Variants in CDKL3 observed in about 807,000 individuals in gnomAD.
CDKL3 encodes the protein cyclin dependent kinase like 3.
In CDKL3, 65 loss-of-function variants were observed where a neutral mutation model predicts 69.3. That is an observed-to-expected ratio of 0.94 (90% confidence interval 0.77 to 1.15). The LOEUF (loss-of-function observed/expected upper bound fraction) is 1.15. Ranked by LOEUF, CDKL3 falls within the 50% of genes most tolerant of loss-of-function variation. The pLI is 0.00. For missense variants in CDKL3, 652 were observed against 689.2 expected, an observed-to-expected ratio of 0.95 and a Z score of 0.61; for synonymous variants, 202 against 221.6, an observed-to-expected ratio of 0.91 and a Z score of 0.79.
intron 4 of CDKL3, among the ~76,000 whole-genome samples, chr5:134,338,150 C>T (rs1777559326): frequency 6.6e-6 from 1 of 151,846 alleles, no homozygotes; most frequent in African/African-American, 2.4e-5. Flanking sequence ...GGGAGTAAAA[C>T]TATATTGAGT....
chr5:134,356,201 A>C (rs73289862), intron 3 of CDKL3, among the ~76,000 whole-genome samples: 20,470 of 152,190 alleles, frequency 0.13, 1,655 homozygotes, highest in African/African-American at 0.21. Flanking sequence ...AGGAGTGCAC[A>C]ACCTAGATCC....
chr5:134,315,496 G>C (rs1456419474), intron 6 of CDKL3, among the ~76,000 whole-genome samples: 1 of 152,030 alleles, frequency 6.6e-6, no homozygotes, highest in African/African-American at 2.4e-5. Context: ...GACACCCTAT[G>C]TTTAGAGACC....
intron 4 of CDKL3, among the ~76,000 whole-genome samples, chr5:134,343,227 T>C (rs367960330): frequency 1.3e-5 from 2 of 148,736 alleles, no homozygotes; most frequent in Admixed American, 6.7e-5. Flanking sequence ...GGAAAGAAAG[T>C]GCGTTGCTGG....
intron 4 of CDKL3, among the ~76,000 whole-genome samples, chr5:134,323,386 C>T (rs1773307223): frequency 6.6e-6 from 1 of 152,060 alleles, no homozygotes; most frequent in South Asian, 2.1e-4. Flanking sequence ...CAATTGATTG[C>T]AAAGTTTATA....
At chr5:134,339,576 A>G (rs1383124826) in intron 4 of CDKL3, among the ~76,000 whole-genome samples, 1 of 152,170 alleles carries the variant, frequency 6.6e-6, no homozygotes, top group East Asian at 1.9e-4. Context: ...CCTAATAACT[A>G]TCTTTAGAAC....
upstream of CDKL3, chr5:134,371,556 C>G: frequency 1.5e-6 from 2 of 1,334,232 alleles, no homozygotes; most frequent in Non-Finnish European, 2.0e-6. Flanking sequence ...CTGCGCGGGA[C>G]TTTTTTTTTT....
chr5:134,293,338 A>T (rs1765210870), intron 8 of CDKL3, among the ~76,000 whole-genome samples: 1 of 151,930 alleles, frequency 6.6e-6, no homozygotes, highest in African/African-American at 2.4e-5. Flanking sequence ...CCAATTTCTA[A>T]CAAACATTTA....
chr5:134,370,788 C>T (rs915978676), upstream of CDKL3, among the ~76,000 whole-genome samples: 2 of 152,186 alleles, frequency 1.3e-5, no homozygotes, highest in Non-Finnish European at 2.9e-5. Flanking sequence ...TCGTGCGATC[C>T]TCTCACTCTT....
At chr5:134,298,362 T>TAC (rs1350784762), downstream of CDKL3, 1 of 1,156,898 alleles carries the variant, frequency 8.6e-7, no homozygotes, top group Non-Finnish European at 1.1e-6. Context: ...TAAGTATAAG[T>TAC]ACAGTTTGTA....
At chr5:134,304,822 AAT>A (rs1367776618) in intron 10 of CDKL3, among the ~76,000 whole-genome samples, 11 of 147,146 alleles carry the variant, frequency 7.5e-5, no homozygotes, top group Non-Finnish European at 1.5e-4. Flanking sequence ...CAATAATAAT[AAT>A]AATAATAATA....
intron 4 of CDKL3, among the ~76,000 whole-genome samples, chr5:134,322,927 C>T (rs926024325): frequency 2.0e-5 from 3 of 150,560 alleles, no homozygotes; most frequent in Non-Finnish European, 4.4e-5. Flanking sequence ...TGTGGTGAGC[C>T]GAGATCATGC....
chr5:134,297,511 C>T (rs1165076823), downstream of CDKL3, among the ~76,000 whole-genome samples: 2 of 151,864 alleles, frequency 1.3e-5, no homozygotes, highest in Non-Finnish European at 2.9e-5. Flanking sequence ...TAAATAAGTG[C>T]TTTCATTGCT....
intron 4 of CDKL3, among the ~76,000 whole-genome samples, chr5:134,325,549 T>C (rs56975159): frequency 0.14 from 21,368 of 152,062 alleles, 1,831 homozygotes; most frequent in African/African-American, 0.23. Flanking sequence ...TCCAGAGAGA[T>C]TGTACAAGTT....
chr5:134,298,634 A>G lies in CDKL3; in HGVS notation c.*17T>C. ...GTTGTCATCTTGTATTTTTTGGACT[A>G]TGTAAAAGAAAAGACACTACCAGAA... is the stretch of plus-strand genomic sequence containing the variant. On this transcript the variant is annotated 3_prime_UTR_variant, in exon 13 of 13. Transcript: ENST00000265334. 6.2e-6 allele frequency: 10 copies of G among 1,610,776 alleles called. No individual in the cohort carries two copies. Among genetic ancestry groups the G allele is most frequent in the Non-Finnish European group, 8.5e-6 (10 of 1,179,046 alleles).
upstream of CDKL3, chr5:134,371,406 AGCGGCGGAGGGCGGAGGGATCCGGAG>A (rs1318387417): frequency 1.4e-6 from 1 of 731,992 alleles, no homozygotes. Context: ...ACACTGTGGT[AGCGGCGGAGGGCGGAGGGATCCGGAG>A]GCGGCGGAGG....
At chr5:134,322,390 A>G (rs933945745) in intron 4 of CDKL3, among the ~76,000 whole-genome samples, 1 of 152,212 alleles carries the variant, frequency 6.6e-6, no homozygotes, top group Non-Finnish European at 1.5e-5. Flanking sequence ...GCTATAGGAA[A>G]GGAATAGTCC....
intron 4 of CDKL3, among the ~76,000 whole-genome samples, chr5:134,345,811 G>C (rs1443207124): frequency 1.3e-5 from 2 of 152,144 alleles, no homozygotes; most frequent in East Asian, 3.8e-4. Flanking sequence ...GGATGTATCC[G>C]TGCAGGTCAC....
downstream of CDKL3, among the ~76,000 whole-genome samples, chr5:134,283,589 C>T (rs2149401664): frequency 6.6e-6 from 1 of 152,266 alleles, no homozygotes; most frequent in South Asian, 2.1e-4. Flanking sequence ...GTCCTTCCCA[C>T]AACACATGGG....
rs746538346 is a variant in CDKL3, at chr5:134,306,667, G to A, written c.1400C>T (p.Ser467Leu). ...AGGCATAACTTGTCCAATAGATTGT[G>A]AAGAAGTGCGTCTCTTTTTTGCTCT... ...TERAKKRRTSSQSIGQVMPNS... is the reference protein window; with the variant it reads ...TERAKKRRTSLQSIGQVMPNS... Residue 467 changes from serine to leucine, a missense_variant, in exon 10 of 13, where the codon TCA (serine) becomes TTA (leucine). By Grantham distance (145) the Ser-to-Leu change is moderately radical (BLOSUM62 -2). Transcript: ENST00000265334. 6.4e-7 allele frequency: 1 copy of A among 1,564,606 alleles called. No individual in the cohort carries two copies. Among genetic ancestry groups the A allele is most frequent in the Non-Finnish European group, 8.6e-7 (1 of 1,160,622 alleles).
Sources: gnomAD v4.1 joint callset for allele counts (sites outside exome capture counted in the v4.1 genomes callset) on GRCh38, gnomAD v4.1.1 for gene constraint, MANE v1.5 for transcripts, NCBI Gene and HGNC (gene_info 2026-07-23, HGNC 2026-07-21) for gene names.